CCSER1: variants seen among roughly 807,000 people sequenced by gnomAD.
CCSER1 encodes the protein serine-rich coiled-coil domain-containing protein 1.
CCSER1 carries 41 observed loss-of-function variants against 82.0 expected under a neutral mutation model. The observed-to-expected ratio is 0.50, with a 90% CI of 0.39 to 0.65. The LOEUF is 0.65. CCSER1 is among the 30% of genes least tolerant of loss of function. The pLI, the probability that CCSER1 is intolerant of heterozygous loss-of-function variation, is 0.00. For missense variants in CCSER1, 1,119 were observed against 1,064.2 expected (o/e 1.05, Z -0.72); for synonymous variants, 414 against 383.9 (o/e 1.08, Z -0.92).
chr4:90,702,388 G>T (rs1255302146), intron 6 of CCSER1, among the ~76,000 whole-genome samples: 6 of 152,052 alleles, frequency 3.9e-5, no homozygotes, highest in Admixed American at 2.6e-4. Flanking sequence ...ATTTTATTGA[G>T]GATTTTTTCA....
intron 5 of CCSER1, among the ~76,000 whole-genome samples, chr4:90,566,655 T>A (rs1223027039): frequency 6.7e-6 from 1 of 150,222 alleles, no homozygotes; most frequent in Non-Finnish European, 1.5e-5. Flanking sequence ...CAGGCTGGAG[T>A]GCAGTGGCGC....
chr4:90,411,942 A>G (rs1409416865), intron 4 of CCSER1, among the ~76,000 whole-genome samples: 1 of 152,106 alleles, frequency 6.6e-6, no homozygotes, highest in African/African-American at 2.4e-5. Flanking sequence ...TACAAAATCA[A>G]TGTGCAAAAA....
intron 9 of CCSER1, among the ~76,000 whole-genome samples, chr4:90,990,169 G>C (rs569122660): frequency 1.3e-5 from 2 of 151,844 alleles, no homozygotes; most frequent in Non-Finnish European, 2.9e-5. Flanking sequence ...AGTTCAAAGA[G>C]TGCTTTCAAG....
At chr4:91,111,922 T>C (rs1336334360) in intron 10 of CCSER1, among the ~76,000 whole-genome samples, 1 of 151,672 alleles carries the variant, frequency 6.6e-6, no homozygotes, top group African/African-American at 2.4e-5. Context: ...GTCCATTTTA[T>C]ATGCAGTCAA....
chr4:90,750,288 T>G (rs1748383233), intron 7 of CCSER1, among the ~76,000 whole-genome samples: 1 of 152,158 alleles, frequency 6.6e-6, no homozygotes, highest in Non-Finnish European at 1.5e-5. Flanking sequence ...CAGAAGCTCT[T>G]TAGTTTAATT....
chr4:91,279,938 G>A (rs991134408), intron 10 of CCSER1, among the ~76,000 whole-genome samples: 46 of 152,224 alleles, frequency 3.0e-4, no homozygotes, highest in Non-Finnish European at 5.4e-4. Flanking sequence ...TGTGGTGTTC[G>A]TTGGATAAGG....
At chr4:90,317,202 T>G (rs1277994960) in intron 3 of CCSER1, among the ~76,000 whole-genome samples, 1 of 152,152 alleles carries the variant, frequency 6.6e-6, no homozygotes, top group Non-Finnish European at 1.5e-5. Flanking sequence ...AAGATTACTC[T>G]CTAAAAAAGT....
chr4:91,178,721 C>G (rs1733672310), intron 10 of CCSER1, among the ~76,000 whole-genome samples: 1 of 152,056 alleles, frequency 6.6e-6, no homozygotes, highest in East Asian at 1.9e-4. Context: ...AGATGGGTCT[C>G]CTGTATACAG....
intron 1 of CCSER1, among the ~76,000 whole-genome samples, chr4:90,177,371 T>A (rs1732904550): frequency 2.0e-5 from 3 of 152,092 alleles, no homozygotes; most frequent in Admixed American, 2.0e-4. Context: ...TTTGAAAGAT[T>A]CCTTAGACAC....
chr4:91,489,896 C>G (rs1326648974), intron 10 of CCSER1, among the ~76,000 whole-genome samples: 1 of 152,024 alleles, frequency 6.6e-6, no homozygotes, highest in Non-Finnish European at 1.5e-5. Flanking sequence ...AACTCTATAG[C>G]AAAAAACTCT....
chr4:91,300,357 C>T (rs1578148044), intron 10 of CCSER1, among the ~76,000 whole-genome samples: 1 of 151,710 alleles, frequency 6.6e-6, no homozygotes. Flanking sequence ...GAATAAGACT[C>T]GAAGGCACCA....
intron 5 of CCSER1, among the ~76,000 whole-genome samples, chr4:90,474,891 G>A (rs756716640): frequency 4.6e-5 from 7 of 152,054 alleles, no homozygotes; most frequent in Admixed American, 2.0e-4. Context: ...ATGAAAATGA[G>A]AAATTATCTT....
chr4:91,180,495 A>C (rs971662975), intron 10 of CCSER1, among the ~76,000 whole-genome samples: 4 of 152,190 alleles, frequency 2.6e-5, no homozygotes, highest in Non-Finnish European at 4.4e-5. Context: ...CTACCTACTC[A>C]AGCCTCAGCA....
At chr4:91,089,345 A>G (rs1306783548) in intron 10 of CCSER1, among the ~76,000 whole-genome samples, 1 of 152,230 alleles carries the variant, frequency 6.6e-6, no homozygotes, top group Non-Finnish European at 1.5e-5. Flanking sequence ...GGCTAAGGTC[A>G]GGCAGGCCCA....
chr4:90,187,691 C>T (rs1188033016), intron 1 of CCSER1, among the ~76,000 whole-genome samples: 1 of 151,788 alleles, frequency 6.6e-6, no homozygotes, highest in African/African-American at 2.4e-5. Context: ...TACTTTGGTT[C>T]CTCTTATTCT....
chr4:90,344,780 C>G (rs1226796476), intron 3 of CCSER1, among the ~76,000 whole-genome samples: 2 of 152,116 alleles, frequency 1.3e-5, no homozygotes, highest in East Asian at 3.9e-4. Flanking sequence ...CTTTAATACA[C>G]CTCTGAATGA....
intron 10 of CCSER1, among the ~76,000 whole-genome samples, chr4:91,366,093 A>G (rs916097757): frequency 6.6e-6 from 1 of 152,148 alleles, no homozygotes; most frequent in South Asian, 2.1e-4. Context: ...ATCTTGGCTC[A>G]CTGCAACCTC....
intron 6 of CCSER1, among the ~76,000 whole-genome samples, chr4:90,641,407 G>T (rs1431692149): frequency 6.6e-6 from 1 of 152,008 alleles, no homozygotes; most frequent in African/African-American, 2.4e-5. Flanking sequence ...TTACGAAGGG[G>T]CACACAGAGG....
chr4:91,157,632 T>A (rs1473146698), intron 10 of CCSER1, among the ~76,000 whole-genome samples: 1 of 152,074 alleles, frequency 6.6e-6, no homozygotes, highest in Non-Finnish European at 1.5e-5. Context: ...ATCTATATGG[T>A]AATGCCAGGG....
Sources: allele counts gnomAD v4.1 joint callset (sites outside exome capture counted in the v4.1 genomes callset), GRCh38; gene constraint gnomAD v4.1.1; transcripts MANE v1.5; gene names NCBI Gene and HGNC (gene_info 2026-07-23, HGNC 2026-07-21).